The following OSBPL9 variants were observed in gnomAD, a reference collection of about 807,000 sequenced individuals.
OSBPL9 encodes the protein oxysterol binding protein like 9, also known as oxysterol-binding protein-related protein 9.
OSBPL9 carries 40 observed loss-of-function variants against 106.6 expected under a neutral mutation model. The observed-to-expected ratio is 0.38, with a 90% confidence interval of 0.29 to 0.49. The LOEUF is 0.49. Among genes scored for constraint, OSBPL9 ranks in the 20% least tolerant of loss-of-function variants. The pLI, the probability that OSBPL9 is intolerant of heterozygous loss-of-function variation, is 0.97. For synonymous variants in OSBPL9, 269 were observed against 295.4 expected (o/e 0.91, Z 0.92); for missense variants, 609 against 887.2 (o/e 0.69, Z 3.98).
At chr1:51,633,145 G>A (rs1220594637) in intron 1 of OSBPL9, among the ~76,000 whole-genome samples, 1 of 151,752 alleles carries the variant, frequency 6.6e-6, no homozygotes, top group Non-Finnish European at 1.5e-5. Context: ...TTTTAGTAGA[G>A]ACGTGGTTTC....
intron 3 of OSBPL9, 53 bp from the exon 4 acceptor site, chr1:51,713,950 A>G: frequency 7.5e-7 from 1 of 1,333,004 alleles, no homozygotes; most frequent in Non-Finnish European, 1.0e-6. Flanking sequence ...TCAAATATGG[A>G]GATATATTAT....
chr1:51,714,839 G>A (rs1557729273), intron 4 of OSBPL9, among the ~76,000 whole-genome samples: 1 of 152,160 alleles, frequency 6.6e-6, no homozygotes, highest in Non-Finnish European at 1.5e-5. Flanking sequence ...ATTCTACCCT[G>A]GAGCTGGGAT....
rs1663878527 is a variant in OSBPL9 at position 51,729,734 on chromosome 1, G to T, written c.318+15655G>T. 1.0e-6 allele frequency: 1 copy of T among 986,648 alleles called. No homozygotes were observed. The highest frequency in any genetic ancestry group is 1.3e-6 in the Non-Finnish European group (1 of 762,842). The allele number at this position is 986,648 out of a possible 1,614,324, so 61.1% of individuals were successfully genotyped here. On this transcript the variant is annotated intron_variant, in intron 4 of 23. Transcript: ENST00000428468. The surrounding 1 kb of genome is among the most constrained non-coding windows in gnomAD (Gnocchi z 5.1). ...GGTGACCCATGGCCAATCGCCAGGG[G>T]TCTCTTTGCCAGGAGCCGCCAGGGC...
At chr1:51,733,280 G>A (rs1345424957) in intron 4 of OSBPL9, among the ~76,000 whole-genome samples, 3 of 152,148 alleles carry the variant, frequency 2.0e-5, no homozygotes, top group African/African-American at 7.2e-5. Context: ...TTAGTGCATG[G>A]CACATAGTAG....
At chr1:51,675,761 GA>G (rs541281263) in intron 3 of OSBPL9, among the ~76,000 whole-genome samples, 106 of 151,956 alleles carry the variant, frequency 7.0e-4, no homozygotes, top group Non-Finnish European at 1.3e-3. Context: ...CTAATAATTC[GA>G]AAAAAACTAA....
intron 4 of OSBPL9, among the ~76,000 whole-genome samples, chr1:51,742,068 C>T (rs533594195): frequency 6.6e-6 from 1 of 151,906 alleles, no homozygotes; most frequent in South Asian, 2.1e-4. Context: ...GGGGGAAGAC[C>T]GATGTTGTGG....
intron 4 of OSBPL9, among the ~76,000 whole-genome samples, chr1:51,724,553 G>A (rs1050865660): frequency 6.6e-6 from 1 of 152,116 alleles, no homozygotes; most frequent in African/African-American, 2.4e-5. Flanking sequence ...CAAATTGCTG[G>A]GATTACAGGT....
upstream of OSBPL9, among the ~76,000 whole-genome samples, chr1:51,614,777 A>G (rs751935013): frequency 2.0e-5 from 3 of 152,166 alleles, no homozygotes; most frequent in Non-Finnish European, 4.4e-5. Flanking sequence ...AATCCTTGAA[A>G]CAACCTTTGT....
At chr1:51,682,541 C>T (rs577083029) in intron 3 of OSBPL9, among the ~76,000 whole-genome samples, 6 of 152,052 alleles carry the variant, frequency 3.9e-5, no homozygotes, top group South Asian at 2.1e-4. Context: ...AGGCAGATCA[C>T]GAGGTCAGGA....
the OSBPL9 span, among the ~76,000 whole-genome samples, chr1:51,540,805 A>G: frequency 1.3e-5 from 2 of 151,488 alleles, no homozygotes; most frequent in Admixed American, 1.3e-4. Flanking sequence ...CTAAAAATAC[A>G]AAAATTAGCC....
rs117334837 is a variant in OSBPL9 at position 51,744,211 on chromosome 1, A to G, written c.319-1325A>G. Among the ~76,000 whole-genome samples, 96 of 152,290 alleles carry G rather than the reference A, an allele frequency of 6.3e-4. No homozygotes were observed. The East Asian group carries it at 0.015, about 23-fold the overall frequency. On this transcript the variant is annotated intron_variant, in intron 4 of 23. Coordinates refer to ENST00000428468, the MANE Select transcript of OSBPL9 (RefSeq NM_024586.6). ...AATTTTTGAATTTTAGTTTGGGAAG[A>G]GCAACAAAAGTACTATAATAGTAGT...
chr1:51,585,428 G>A (rs1570531095), intron 1 of OSBPL9, among the ~76,000 whole-genome samples: 1 of 152,204 alleles, frequency 6.6e-6, no homozygotes, highest in African/African-American at 2.4e-5. Flanking sequence ...ATGCTTAGTG[G>A]CTAAGACTAT....
the OSBPL9 span, among the ~76,000 whole-genome samples, chr1:51,555,349 G>A: frequency 1.3e-5 from 2 of 151,936 alleles, no homozygotes; most frequent in South Asian, 2.1e-4. Flanking sequence ...AATTAGCTGG[G>A]CATGGTGGCA....
At chr1:51,604,527 G>A (rs946214924) in intron 2 of OSBPL9, among the ~76,000 whole-genome samples, 11 of 151,446 alleles carry the variant, frequency 7.3e-5, no homozygotes, top group Non-Finnish European at 1.5e-4. Context: ...TTATACTCCC[G>A]CCTGGGTGAC....
the OSBPL9 span, chr1:51,569,732 T>A: frequency 6.6e-6 from 1 of 152,228 alleles, no homozygotes; most frequent in African/African-American, 2.4e-5. Context: ...AAACTTGGCA[T>A]GTTCACTGGT....
At chr1:51,523,512 A>G in the OSBPL9 span, among the ~76,000 whole-genome samples, 1 of 152,142 alleles carries the variant, frequency 6.6e-6, no homozygotes, top group South Asian at 2.1e-4. Flanking sequence ...GTCCAAATTC[A>G]TAATGACAAA....
chr1:51,778,735 C>G (rs560691757), intron 15 of OSBPL9, among the ~76,000 whole-genome samples: 1 of 152,178 alleles, frequency 6.6e-6, no homozygotes, highest in East Asian at 1.9e-4. Flanking sequence ...TCCCCGCCCC[C>G]CCAAAAAATC....
chr1:51,692,656 CCTTT>C (rs1283589372), intron 3 of OSBPL9, among the ~76,000 whole-genome samples: 1 of 139,378 alleles, frequency 7.2e-6, no homozygotes, highest in African/African-American at 2.6e-5. Context: ...TCCCTCCCTT[CCTTT>C]CTTTCTTCTT....
At chr1:51,762,057 T>C in intron 11 of OSBPL9, 86 bp downstream of exon 11, 1 of 922,406 alleles carries the variant, frequency 1.1e-6, no homozygotes, top group African/African-American at 1.6e-5. Context: ...AGGGGGAAAG[T>C]TGAAGAAATG....
Sources: gnomAD v4.1 joint callset for allele counts (sites outside exome capture counted in the v4.1 genomes callset) on GRCh38, gnomAD v4.1.1 for gene constraint, Gnocchi (gnomAD v3.1) non-coding constraint, MANE v1.5 for transcripts, NCBI Gene and HGNC (gene_info 2026-07-23, HGNC 2026-07-21) for gene names.